Variants in DLG2 observed in about 807,000 individuals in gnomAD.
DLG2 encodes disks large homolog 2.
In DLG2, 45 loss-of-function variants were observed where a neutral mutation model predicts 132.5. The ratio of observed to expected loss-of-function variants is 0.34; its 90% confidence interval spans 0.27 to 0.44. The LOEUF is 0.44. DLG2 is among the 20% of genes least tolerant of loss of function. The pLI is 1.00. For missense variants in DLG2, 1,045 were observed against 1,196.9 expected, an observed-to-expected ratio of 0.87 and a Z score of 1.87; for synonymous variants, 424 against 419.6, an observed-to-expected ratio of 1.01 and a Z score of -0.13.
chr11:84,691,396 C>T (rs973785250), intron 6 of DLG2, among the ~76,000 whole-genome samples: 4 of 151,372 alleles, frequency 2.6e-5, no homozygotes, highest in Admixed American at 6.6e-5. Flanking sequence ...TAAAATTCTA[C>T]GTTAAACTAC....
At chr11:83,501,390 A>T (rs992062097) in intron 21 of DLG2, among the ~76,000 whole-genome samples, 3 of 152,084 alleles carry the variant, frequency 2.0e-5, no homozygotes, top group Non-Finnish European at 2.9e-5. Context: ...TTGGGCAGGG[A>T]GAATGGCTTT....
At chr11:85,048,983 A>G (rs1185607988) in intron 6 of DLG2, among the ~76,000 whole-genome samples, 2 of 152,068 alleles carry the variant, frequency 1.3e-5, no homozygotes, top group African/African-American at 4.8e-5. Flanking sequence ...GATTAGCATT[A>G]AAATTCAATA....
Position 83,934,897 on chromosome 11 carries a change from G to A in DLG2, c.1341-4414C>T, listed in dbSNP as rs186104353. On this transcript the variant is annotated intron_variant, in intron 14 of 27. Coordinates refer to ENST00000376104, the MANE Select transcript of DLG2 (RefSeq NM_001142699.3). Reference sequence around the variant, plus strand: ...GGAACTGTGAAATGAAAAGTGATCAGTACCTTTTATTCTCTTTTCCCGAGC... The same window carrying A: ...GGAACTGTGAAATGAAAAGTGATCAATACCTTTTATTCTCTTTTCCCGAGC... 8.6e-5 allele frequency among the ~76,000 whole-genome samples: 13 copies of A among 151,794 alleles called. 1 individual carries two copies. Among genetic ancestry groups the A allele is most frequent in the Admixed American group, 8.5e-4 (13 of 15,290 alleles).
chr11:84,735,739 T>A (rs531396863), intron 6 of DLG2, among the ~76,000 whole-genome samples: 1 of 152,082 alleles, frequency 6.6e-6, no homozygotes. Context: ...AGGGTGTCAA[T>A]TTGAGATCTT....
chr11:85,248,713 G>C (rs780960532), intron 4 of DLG2, among the ~76,000 whole-genome samples: 3 of 152,046 alleles, frequency 2.0e-5, no homozygotes, highest in African/African-American at 7.2e-5. Flanking sequence ...AATAGGGAAA[G>C]AAATAAGGAA....
chr11:85,398,640 C>A (rs1423277183), intron 3 of DLG2, among the ~76,000 whole-genome samples: 4 of 152,092 alleles, frequency 2.6e-5, no homozygotes, highest in African/African-American at 9.7e-5. Flanking sequence ...TCAGAGAATA[C>A]TATAAACATC....
chr11:84,935,936 A>G (rs1047827377), intron 6 of DLG2, among the ~76,000 whole-genome samples: 1 of 152,146 alleles, frequency 6.6e-6, no homozygotes, highest in African/African-American at 2.4e-5. Flanking sequence ...TACGCTTATA[A>G]TATTTTTCTT....
intron 3 of DLG2, among the ~76,000 whole-genome samples, chr11:85,362,441 C>T (rs571863841): frequency 1.1e-4 from 16 of 152,148 alleles, no homozygotes; most frequent in South Asian, 2.1e-4. Context: ...TAGAATGCTA[C>T]TGATTTTTTT....
At position 84,265,181 on chromosome 11, in the gene DLG2, A is replaced by C. The variant is rs186534329; in HGVS notation, c.520-13890T>G. 4.5e-3 allele frequency among the ~76,000 whole-genome samples: 678 copies of C among 152,312 alleles called. 3 individuals are homozygous for C. Among genetic ancestry groups the C allele is most frequent in the Non-Finnish European group, 7.2e-3 (489 of 68,010 alleles). ...AATATCATGTGGTTCTTCAAGAAGC[A>C]AATGTAGCCATATATGAGGACATTA... is the stretch of plus-strand genomic sequence containing the variant. On this transcript the variant is annotated intron_variant, in intron 7 of 27. Transcript: ENST00000376104.
rs1424408956 is a variant in DLG2, at chr11:83,790,607, C to T, written c.1723-3815G>A. On this transcript the variant is annotated intron_variant, in intron 17 of 27. Coordinates refer to ENST00000376104, the MANE Select transcript of DLG2 (RefSeq NM_001142699.3). ...CTGTGCCAGTAAGTCCACTGAAGTT[C>T]CTTTGGATTTGATTATTTTGCATTG... 6 of 1,316,336 alleles carry T rather than the reference C, an allele frequency of 4.6e-6. No individual in the cohort carries two copies. In the South Asian group the frequency reaches 5.9e-5, roughly 13 times the overall value. The allele number at this position is 1,316,336 out of a possible 1,614,324, so 81.5% of individuals were successfully genotyped here. A position where few individuals can be genotyped will look rare whatever the true frequency, so the allele number is the denominator to read the frequency against.
intron 6 of DLG2, among the ~76,000 whole-genome samples, chr11:85,002,469 G>T (rs597592): frequency 0.69 from 104,121 of 151,992 alleles, 36,841 homozygotes; most frequent in East Asian, 0.91. Flanking sequence ...TGGACTATCA[G>T]AAGTCTGTGG....
chr11:83,595,633 G>A (rs2057444501), intron 19 of DLG2, among the ~76,000 whole-genome samples: 2 of 152,198 alleles, frequency 1.3e-5, no homozygotes, highest in Non-Finnish European at 2.9e-5. Context: ...TACTGATGCG[G>A]TCTCAGGCTG....
intron 19 of DLG2, among the ~76,000 whole-genome samples, chr11:83,595,970 C>T (rs1038870007): frequency 2.6e-5 from 4 of 152,090 alleles, no homozygotes; most frequent in Admixed American, 6.6e-5. Context: ...AGGCAAGAAA[C>T]TTATACAACC....
intron 19 of DLG2, among the ~76,000 whole-genome samples, chr11:83,599,713 A>G (rs1352760051): frequency 2.0e-5 from 3 of 152,148 alleles, no homozygotes; most frequent in African/African-American, 7.2e-5. Context: ...AGCCCCAACC[A>G]CAGGGCAGGC....
At chr11:85,270,691 G>A (rs569047176) in intron 4 of DLG2, among the ~76,000 whole-genome samples, 1 of 152,330 alleles carries the variant, frequency 6.6e-6, no homozygotes, top group Admixed American at 6.5e-5. Flanking sequence ...CTCAAATGGA[G>A]ATAAGGAACT....
chr11:84,179,121 A>G (rs2154278044), intron 8 of DLG2, among the ~76,000 whole-genome samples: 1 of 152,302 alleles, frequency 6.6e-6, no homozygotes, highest in East Asian at 1.9e-4. Context: ...AAGTATGACA[A>G]CAATGACACA....
intron 6 of DLG2, among the ~76,000 whole-genome samples, chr11:85,017,289 A>G (rs1222585727): frequency 1.3e-5 from 2 of 151,158 alleles, no homozygotes; most frequent in African/African-American, 4.9e-5. Flanking sequence ...CTCCAGTTGT[A>G]TACCAATTTC....
intron 6 of DLG2, chr11:84,720,393 G>A (rs1055199209): frequency 4.4e-5 from 43 of 985,330 alleles, no homozygotes; most frequent in Non-Finnish European, 4.9e-5. Flanking sequence ...AACAACAGGG[G>A]ACATTCCTTC....
intron 6 of DLG2, among the ~76,000 whole-genome samples, chr11:84,555,151 G>A (rs759178701): frequency 3.3e-5 from 5 of 152,098 alleles, no homozygotes; most frequent in Non-Finnish European, 4.4e-5. Context: ...AGAGTGATAT[G>A]ACCTGATATA....
Sources: gnomAD v4.1 joint callset for allele counts (sites outside exome capture counted in the v4.1 genomes callset) on GRCh38, gnomAD v4.1.1 for gene constraint, MANE v1.5 for transcripts, NCBI Gene and HGNC (gene_info 2026-07-23, HGNC 2026-07-21) for gene names.